The following TMEM108 variants were observed in gnomAD, a reference collection of about 807,000 sequenced individuals.
The protein encoded by TMEM108 is transmembrane protein 108, also known as cancer/testis antigen 124.
A neutral mutation model predicts 35.1 loss-of-function variants in TMEM108; 12 were observed. The observed-to-expected ratio is 0.34, with a 90% CI of 0.22 to 0.55. TMEM108 has a LOEUF of 0.55. Among genes scored for constraint, TMEM108 ranks in the 20% least tolerant of loss-of-function variants. The pLI is 0.89. For synonymous variants in TMEM108, 287 were observed against 308.6 expected, an observed-to-expected ratio of 0.93 and a Z score of 0.73; for missense variants, 680 against 753.3, an observed-to-expected ratio of 0.90 and a Z score of 1.14.
At chr3:133,158,484 A>G (rs1044796695) in intron 2 of TMEM108, among the ~76,000 whole-genome samples, 15 of 151,792 alleles carry the variant, frequency 9.9e-5, no homozygotes, top group Non-Finnish European at 1.5e-4. Flanking sequence ...AAAAAAAAAA[A>G]AAAAAGAAAA....
At chr3:133,373,867 G>T (rs1254294639) in intron 3 of TMEM108, among the ~76,000 whole-genome samples, 1 of 152,196 alleles carries the variant, frequency 6.6e-6, no homozygotes, top group Non-Finnish European at 1.5e-5. Flanking sequence ...AAATCTTAGG[G>T]TTGACCAGGC....
chr3:133,238,964 A>G (rs1328072163), intron 3 of TMEM108, among the ~76,000 whole-genome samples: 2 of 152,072 alleles, frequency 1.3e-5, no homozygotes, highest in African/African-American at 4.8e-5. Flanking sequence ...TTCCTCCTCC[A>G]CCTTTCCCAG....
chr3:133,225,422 G>T (rs1307298334), intron 2 of TMEM108, among the ~76,000 whole-genome samples: 3 of 151,984 alleles, frequency 2.0e-5, no homozygotes, highest in African/African-American at 7.3e-5. Context: ...GGTGGTGGGG[G>T]ACGAATTTGC....
intron 2 of TMEM108, among the ~76,000 whole-genome samples, chr3:133,146,854 T>C (rs564119046): frequency 2.0e-5 from 3 of 152,316 alleles, no homozygotes; most frequent in African/African-American, 4.8e-5. Flanking sequence ...TTCTTCTCTC[T>C]TCTCTTCTTT....
intron 2 of TMEM108, among the ~76,000 whole-genome samples, chr3:133,157,088 T>A (rs901333754): frequency 6.6e-6 from 1 of 152,248 alleles, no homozygotes; most frequent in Non-Finnish European, 1.5e-5. Context: ...TCATTCTTAA[T>A]ATTACTTGAG....
chr3:133,172,276 C>T (rs1413758811), intron 2 of TMEM108, among the ~76,000 whole-genome samples: 1 of 152,098 alleles, frequency 6.6e-6, no homozygotes, highest in Non-Finnish European at 1.5e-5. Flanking sequence ...TTAAACATTA[C>T]CTTTTCCTGC....
In TMEM108 at chr3:133,151,254, G is replaced by T. The variant is rs148557237; in HGVS notation, c.-46-78012G>T. On this transcript the variant is annotated intron_variant, in intron 2 of 5. Coordinates refer to ENST00000321871, the MANE Select transcript of TMEM108 (RefSeq NM_023943.4). ...CCCCCTTAGGACTGTAATCCTGAGGGAAGGGAACATGTTTGTTTTGTTGTA... is the reference window on the plus strand; with the variant it reads ...CCCCCTTAGGACTGTAATCCTGAGGTAAGGGAACATGTTTGTTTTGTTGTA... Among the ~76,000 whole-genome samples the T allele has an allele frequency of 3.4e-3, 512 of 152,230 alleles. 3 individuals carry two copies. The highest frequency in any genetic ancestry group is 0.012 in the African/African-American group (485 of 41,542).
chr3:133,381,976 T>C (rs1370707613), intron 4 of TMEM108, among the ~76,000 whole-genome samples: 2 of 152,186 alleles, frequency 1.3e-5, no homozygotes, highest in Non-Finnish European at 2.9e-5. Context: ...TGGCACTCTG[T>C]GAATGAGGAG....
intron 3 of TMEM108, among the ~76,000 whole-genome samples, chr3:133,241,863 C>T (rs1186196014): frequency 1.3e-5 from 2 of 152,128 alleles, no homozygotes; most frequent in African/African-American, 4.8e-5. Flanking sequence ...ATCCACCTGC[C>T]ACAGCCTCCC....
At chr3:133,098,120 G>T (rs947432212) in intron 2 of TMEM108, among the ~76,000 whole-genome samples, 1 of 152,134 alleles carries the variant, frequency 6.6e-6, no homozygotes, top group African/African-American at 2.4e-5. Flanking sequence ...ACCCAAAACT[G>T]GGAACAAAAA....
chr3:133,255,858 G>A (rs1383928414), intron 3 of TMEM108, among the ~76,000 whole-genome samples: 1 of 152,054 alleles, frequency 6.6e-6, no homozygotes, highest in Non-Finnish European at 1.5e-5. Context: ...GCATGGTGGT[G>A]CACGCCTGTC....
At chr3:133,208,650 G>C (rs935417938) in intron 2 of TMEM108, among the ~76,000 whole-genome samples, 7 of 152,064 alleles carry the variant, frequency 4.6e-5, no homozygotes, top group African/African-American at 1.7e-4. Flanking sequence ...CCCTCCTCTA[G>C]AAGACAAGAA....
At chr3:133,222,056 C>G (rs968708894) in intron 2 of TMEM108, among the ~76,000 whole-genome samples, 4 of 152,080 alleles carry the variant, frequency 2.6e-5, no homozygotes, top group African/African-American at 9.7e-5. Flanking sequence ...AATTAGTGTT[C>G]TTTTAGCTCA....
intron 2 of TMEM108, among the ~76,000 whole-genome samples, chr3:133,055,982 C>T (rs1378177117): frequency 6.6e-6 from 1 of 152,170 alleles, no homozygotes; most frequent in Non-Finnish European, 1.5e-5. Context: ...TTTGAGAGAG[C>T]AAAATCCCAT....
At chr3:133,301,220 CTTCT>C (rs1320900297) in intron 3 of TMEM108, among the ~76,000 whole-genome samples, 1 of 152,140 alleles carries the variant, frequency 6.6e-6, no homozygotes, top group Non-Finnish European at 1.5e-5. Context: ...TCACTTCATT[CTTCT>C]TTCAAGATTT....
At chr3:133,050,015 C>T (rs1943384417) in intron 2 of TMEM108, among the ~76,000 whole-genome samples, 1 of 152,128 alleles carries the variant, frequency 6.6e-6, no homozygotes, top group African/African-American at 2.4e-5. Flanking sequence ...GAAGAATTTT[C>T]AGTTGATATT....
At chr3:133,363,196 G>A (rs577378122) in intron 3 of TMEM108, among the ~76,000 whole-genome samples, 12 of 152,206 alleles carry the variant, frequency 7.9e-5, no homozygotes, top group African/African-American at 2.9e-4. Context: ...CCTTAGGGAA[G>A]TACCTCTTAC....
In TMEM108 at chr3:133,169,375, G is replaced by A. The variant is rs569873461; in HGVS notation, c.-46-59891G>A. Among the ~76,000 whole-genome samples the A allele has an allele frequency of 3.3e-5, 5 of 152,120 alleles. No homozygotes were observed. In the South Asian group the frequency reaches 8.3e-4, roughly 25 times the overall value. ...TTTTGTAGTCAGAAAAGTAATTATTGTAAACAAAATCCTATTATAAACAGA... is the reference window on the plus strand; with the variant it reads ...TTTTGTAGTCAGAAAAGTAATTATTATAAACAAAATCCTATTATAAACAGA... On this transcript the variant is annotated intron_variant, in intron 2 of 5. Transcript: ENST00000321871.
intron 2 of TMEM108, among the ~76,000 whole-genome samples, chr3:133,096,684 G>C (rs149569956): frequency 6.8e-4 from 104 of 152,190 alleles, no homozygotes; most frequent in Non-Finnish European, 1.3e-3. Flanking sequence ...AGCCGATTCT[G>C]TAAGCCTTGT....
Sources: allele counts gnomAD v4.1 joint callset (sites outside exome capture counted in the v4.1 genomes callset), GRCh38; gene constraint gnomAD v4.1.1; transcripts MANE v1.5; gene names NCBI Gene and HGNC (gene_info 2026-07-23, HGNC 2026-07-21).